The following LRBA variants were observed in gnomAD, a reference collection of about 807,000 sequenced individuals.
LRBA encodes the protein lipopolysaccharide-responsive and beige-like anchor protein.
In LRBA, 176 loss-of-function variants were observed where a neutral mutation model predicts 330.0. The ratio of observed to expected loss-of-function variants is 0.53; its 90% CI spans 0.47 to 0.60. The LOEUF (loss-of-function observed/expected upper bound fraction) is 0.60, where lower values mean the gene tolerates loss of function less well. Ranked by LOEUF, LRBA falls within the 20% of genes least tolerant of loss-of-function variation. The probability of loss-of-function intolerance (pLI) is 0.00; values close to 1 mark genes in which losing one functional copy is unlikely to be tolerated. For synonymous variants in LRBA, 1,230 were observed against 1,193.0 expected, an observed-to-expected ratio of 1.03 and a Z score of -0.64; for missense variants, 3,259 against 3,444.8, an observed-to-expected ratio of 0.95 and a Z score of 1.35.
chr4:150,504,587 A>G (rs1216031024), intron 40 of LRBA, among the ~76,000 whole-genome samples: 1 of 152,250 alleles, frequency 6.6e-6, no homozygotes, highest in African/African-American at 2.4e-5. Context: ...GGAGCTCCTG[A>G]AGGAAGCATT....
intron 40 of LRBA, among the ~76,000 whole-genome samples, chr4:150,505,350 T>C (rs1365671625): frequency 6.6e-6 from 1 of 152,066 alleles, no homozygotes; most frequent in Non-Finnish European, 1.5e-5. Context: ...CCTCAGCAAA[T>C]GTAAAAGAAC....
In LRBA at chr4:150,853,310, T is replaced by G. The variant is rs17027139; in HGVS notation, c.2767-367A>C. Reference sequence around the variant, plus strand: ...GCTTTATGCACTGGATAACACTTGTTTCAACCGCTATGAATACCAATTTCC... The same window carrying G: ...GCTTTATGCACTGGATAACACTTGTGTCAACCGCTATGAATACCAATTTCC... On this transcript the variant is annotated intron_variant, in intron 22 of 56. Coordinates refer to ENST00000651943, the MANE Select transcript of LRBA (RefSeq NM_001364905.1). Among the ~76,000 whole-genome samples, 606 of 152,312 alleles carry G rather than the reference T, an allele frequency of 4.0e-3. 6 individuals carry two copies. Among genetic ancestry groups the G allele is most frequent in the African/African-American group, 0.014 (572 of 41,570 alleles).
chr4:150,872,103 T>A (rs558906475), intron 18 of LRBA, among the ~76,000 whole-genome samples: 1 of 152,298 alleles, frequency 6.6e-6, no homozygotes, highest in Admixed American at 6.5e-5. Context: ...TAAATTATTG[T>A]GGCTGTTTTC....
intron 38 of LRBA, among the ~76,000 whole-genome samples, chr4:150,591,984 A>C (rs1445783535): frequency 1.3e-5 from 2 of 152,016 alleles, no homozygotes; most frequent in Non-Finnish European, 2.9e-5. Context: ...GTAAAACTTC[A>C]TATGTGTATC....
At chr4:150,649,618 T>A (rs961597127) in intron 37 of LRBA, among the ~76,000 whole-genome samples, 1 of 152,150 alleles carries the variant, frequency 6.6e-6, no homozygotes, top group African/African-American at 2.4e-5. Flanking sequence ...TTATGTCACC[T>A]TTAAACCTGC....
At chr4:150,354,676 C>T (rs1737595664) in intron 47 of LRBA, among the ~76,000 whole-genome samples, 1 of 151,722 alleles carries the variant, frequency 6.6e-6, no homozygotes, top group Admixed American at 6.6e-5. Flanking sequence ...CAATCCAATC[C>T]AGGGGGACTC....
intron 40 of LRBA, among the ~76,000 whole-genome samples, chr4:150,559,317 C>T (rs533631663): frequency 5.9e-5 from 9 of 151,530 alleles, no homozygotes; most frequent in Admixed American, 1.3e-4. Context: ...AATCCCAGCA[C>T]GTTGGGAGGC....
rs904295989 is a variant in LRBA at position 150,964,522 on chromosome 4, C to G, written c.217-35457G>C. Among the ~76,000 whole-genome samples, 84 of 150,572 alleles carry G rather than the reference C, an allele frequency of 5.6e-4. 1 individual carries two copies. The highest frequency in any genetic ancestry group is 2.0e-3 in the African/African-American group (81 of 39,914). ...GGGATGCTGTTAATCTATAACCTTACCCCCAACCCCGTGCTCTCTGAAACA... is the reference window on the plus strand; with the variant it reads ...GGGATGCTGTTAATCTATAACCTTAGCCCCAACCCCGTGCTCTCTGAAACA... On this transcript the variant is annotated intron_variant, in intron 2 of 56. Coordinates refer to ENST00000651943, the MANE Select transcript of LRBA (RefSeq NM_001364905.1).
intron 30 of LRBA, among the ~76,000 whole-genome samples, chr4:150,822,669 C>A (rs1345209267): frequency 6.6e-6 from 1 of 152,014 alleles, no homozygotes; most frequent in Admixed American, 6.6e-5. Flanking sequence ...AAGAACGATC[C>A]CTTGATCCCA....
At chr4:150,517,454 G>A (rs56671775) in intron 40 of LRBA, among the ~76,000 whole-genome samples, 32,624 of 152,034 alleles carry the variant, frequency 0.21, 4,349 homozygotes, top group Non-Finnish European at 0.3. Flanking sequence ...CTGGGAAGTC[G>A]AAGCTGCAGT....
chr4:150,934,834 C>T (rs1301666166), intron 2 of LRBA, among the ~76,000 whole-genome samples: 2 of 152,092 alleles, frequency 1.3e-5, no homozygotes, highest in South Asian at 2.1e-4. Context: ...CACGGCGAAA[C>T]CCCGTCTCTA....
At chr4:150,305,308 T>C (rs1204959480) in intron 52 of LRBA, among the ~76,000 whole-genome samples, 2 of 152,160 alleles carry the variant, frequency 1.3e-5, no homozygotes, top group African/African-American at 4.8e-5. Context: ...TTCTCATGAG[T>C]TGAAGTCACT....
Position 150,828,464 on chromosome 4 carries a change from A to G in LRBA, c.4887T>C (p.Gly1629=), listed in dbSNP as rs1578912779. ...TGATTGCATCTGGGCCTGCACTGAC[A>G]CCAGGAGGTGCTGTGTGAGGAGTTA... ...VEVTPHTAPP[G]VSAGPDAISE... The change falls in exon 30 of 57, where the codon GGT becomes GGC. Residue 1629 remains glycine, a synonymous_variant. Transcript: ENST00000651943. 1 of 1,614,158 alleles carries G rather than the reference A, an allele frequency of 6.2e-7. No homozygotes were observed. Among genetic ancestry groups the G allele is most frequent in the Non-Finnish European group, 8.5e-7 (1 of 1,180,004 alleles).
rs1197938285 is a variant in LRBA at position 151,003,047 on chromosome 4, T to TGC, written c.216+11379_216+11380insGC. ...ATATGTGTGTGTGTATGTGTTTGCG[T>TGC]GTGTGTGTGTGTGTGTGTGTGTGTG... On this transcript the variant is annotated intron_variant, in intron 2 of 56. Transcript: ENST00000651943. Among the ~76,000 whole-genome samples, 7 of 19,886 alleles carry TGC rather than the reference T, an allele frequency of 3.5e-4. No homozygotes were observed. In the Admixed American group the frequency reaches 0.011, roughly 33 times the overall value. The allele number at this position is 19,886 out of a possible 152,430, so 13.0% of individuals were successfully genotyped here. A position where few individuals can be genotyped will look rare whatever the true frequency, so the allele number is the denominator to read the frequency against.
At chr4:150,853,722 T>C (rs1424473224) in intron 22 of LRBA, among the ~76,000 whole-genome samples, 2 of 152,174 alleles carry the variant, frequency 1.3e-5, no homozygotes, top group Admixed American at 6.5e-5. Context: ...TCACAAGATT[T>C]AGAATTTTTA....
rs1175181916 is a variant in LRBA, at chr4:150,831,958, G to T, written c.4588C>A (p.Gln1530Lys). The T allele has an allele frequency of 1.3e-6, 2 of 1,521,898 alleles. No homozygotes were observed. Among genetic ancestry groups the T allele is most frequent in the South Asian group, 1.3e-5 (1 of 74,476 alleles). 94.3% of individuals were successfully genotyped at this position (1,521,898 alleles called of 1,614,324 possible). ...FRDIEDSKQA[Q>K]FLALAVVYFI... The stretch of plus-strand genomic sequence containing the variant: ...TATACTACTGCCAAGGCTAAAAATT[G>T]AGCTTGTTTGCTATCCTCCTGGGAA... The change falls in exon 29 of 57, where the codon CAA becomes AAA. Residue 1530 changes from glutamine (Q) to lysine (K), a missense_variant. Transcript: ENST00000651943.
chr4:150,264,655 A>AAAG lies in LRBA; in HGVS notation c.*1064_*1066dup, dbSNP rs531760459. The AAAG allele has an allele frequency of 5.9e-5, 9 of 152,790 alleles. No individual in the cohort carries two copies. In the East Asian group the frequency reaches 1.7e-3, roughly 29 times the overall value. 9.5% of individuals were successfully genotyped at this position (152,790 alleles called of 1,614,324 possible). A position where few individuals can be genotyped will look rare whatever the true frequency, so the allele number is the denominator to read the frequency against. ...GTCTGTTGCAAGAGAAATAGAGATC[A>AAAG]AAGTTCACAACATACAAAGAATTTA... On this transcript the variant is annotated 3_prime_UTR_variant, in exon 57 of 57. Coordinates refer to ENST00000651943, the MANE Select transcript of LRBA (RefSeq NM_001364905.1).
chr4:150,594,264 C>T (rs1207941048), intron 38 of LRBA, among the ~76,000 whole-genome samples: 2 of 151,408 alleles, frequency 1.3e-5, no homozygotes, highest in African/African-American at 2.4e-5. Flanking sequence ...ACACCACATG[C>T]GCTGGTGTTC....
intron 56 of LRBA, among the ~76,000 whole-genome samples, chr4:150,267,913 A>T (rs1745573809): frequency 6.6e-6 from 1 of 152,064 alleles, no homozygotes; most frequent in Admixed American, 6.5e-5. Flanking sequence ...TACAAAAATT[A>T]ACTGGGCGTG....
Sources: gnomAD v4.1 joint callset for allele counts (sites outside exome capture counted in the v4.1 genomes callset) on GRCh38, gnomAD v4.1.1 for gene constraint, MANE v1.5 for transcripts, NCBI Gene and HGNC (gene_info 2026-07-23, HGNC 2026-07-21) for gene names.